TCF20: variants seen among roughly 807,000 people sequenced by gnomAD.
TCF20 encodes the protein transcription factor 20.
A neutral mutation model predicts 148.6 loss-of-function variants in TCF20; 3 were observed. That is an observed-to-expected ratio of 0.02 (90% CI 0.01 to 0.05). The LOEUF is 0.05. TCF20 is among the 10% of genes least tolerant of loss of function. TCF20 has a pLI of 1.00. For synonymous variants in TCF20, 1,049 were observed against 909.5 expected, an observed-to-expected ratio of 1.15 and a Z score of -2.76; for missense variants, 2,350 against 2,429.3, an observed-to-expected ratio of 0.97 and a Z score of 0.69.
chr22:42,234,417 TG>T (rs1923695628), intron 1 of TCF20, among the ~76,000 whole-genome samples: 1 of 152,182 alleles, frequency 6.6e-6, no homozygotes, highest in Non-Finnish European at 1.5e-5. Flanking sequence ...TTACAGTTTA[TG>T]GGGTCCTCTC....
chr22:42,184,757 T>C (rs1936966859), intron 2 of TCF20, among the ~76,000 whole-genome samples: 2 of 152,224 alleles, frequency 1.3e-5, no homozygotes, highest in Admixed American at 6.5e-5. Context: ...CTTTTAATAG[T>C]AAATTTTTTA....
In TCF20 at chr22:42,317,650, G is replaced by T. The variant is rs980167900; in HGVS notation, c.-37+25829C>A. 6.6e-6 allele frequency among the ~76,000 whole-genome samples: 1 copy of T among 152,154 alleles called. No individual in the cohort carries two copies. Among genetic ancestry groups the T allele is most frequent in the Admixed American group, 6.5e-5 (1 of 15,274 alleles). On this transcript the variant is annotated intron_variant, in intron 1 of 1. Transcript: ENST00000515426. The surrounding 1 kb of genome is among the most constrained non-coding windows in gnomAD (Gnocchi z 4.2). The stretch of plus-strand genomic sequence containing the variant: ...TGCTCCTGCATTCCCGCTGGGGGCT[G>T]GGGGGGAAAGGGGTGTAGACTCAGC...
chr22:42,254,945 G>T (rs1925641760), intron 1 of TCF20, among the ~76,000 whole-genome samples: 1 of 88,338 alleles, frequency 1.1e-5, no homozygotes, highest in Non-Finnish European at 1.8e-5. Flanking sequence ...GGGTGACACA[G>T]CAAGACTCCG....
intron 1 of TCF20, among the ~76,000 whole-genome samples, chr22:42,238,274 C>T (rs1924057416): frequency 6.6e-6 from 1 of 152,238 alleles, no homozygotes; most frequent in African/African-American, 2.4e-5. Context: ...TTCACTTCTG[C>T]AGCTTCTTAC....
intron 3 of TCF20, among the ~76,000 whole-genome samples, chr22:42,173,971 C>T (rs1455185530): frequency 6.6e-6 from 1 of 152,118 alleles, no homozygotes; most frequent in African/African-American, 2.4e-5. Context: ...CCAAGATGGG[C>T]CCCAAAACAG....
intron 1 of TCF20, among the ~76,000 whole-genome samples, chr22:42,329,275 C>A (rs900583625): frequency 1.3e-5 from 2 of 152,246 alleles, no homozygotes; most frequent in African/African-American, 2.4e-5. Context: ...CCCCAGCACA[C>A]AGGCTGCCAA....
chr22:42,303,877 G>A (rs568795539), intron 1 of TCF20, among the ~76,000 whole-genome samples: 5 of 151,656 alleles, frequency 3.3e-5, no homozygotes, highest in East Asian at 1.9e-4. Flanking sequence ...GGAGGGGAGC[G>A]GGGAAAGAAA....
At chr22:42,171,758 G>C (rs895586502) in intron 3 of TCF20, among the ~76,000 whole-genome samples, 2 of 152,182 alleles carry the variant, frequency 1.3e-5, no homozygotes, top group African/African-American at 4.8e-5. Context: ...CCTGGGCTCT[G>C]GCAGCAAGCA....
In TCF20 at chr22:42,204,772, G is replaced by A. The variant is rs144858442; in HGVS notation, c.5655+4879C>T. On this transcript the variant is annotated intron_variant, in intron 2 of 5. Coordinates refer to ENST00000677622, the MANE Select transcript of TCF20 (RefSeq NM_001378418.1). ...AGGCAGGAGAGTCACTTGAACCCAC[G>A]AGGAGGTGGTTGCAGTGAGCCAAGA... 5.4e-3 allele frequency among the ~76,000 whole-genome samples: 820 copies of A among 152,250 alleles called. 3 individuals carry two copies. The highest frequency in any genetic ancestry group is 0.01 in the Middle Eastern group (3 of 290).
chr22:42,301,835 C>T (rs527911004), intron 1 of TCF20, among the ~76,000 whole-genome samples: 44 of 152,358 alleles, frequency 2.9e-4, no homozygotes, highest in Non-Finnish European at 5.6e-4. Flanking sequence ...GATTTCAGTT[C>T]TCCGAGGAGG....
At chr22:42,336,378 G>A (rs1015553866) in intron 1 of TCF20, among the ~76,000 whole-genome samples, 2 of 151,734 alleles carry the variant, frequency 1.3e-5, no homozygotes, top group African/African-American at 4.8e-5. Flanking sequence ...AGCTCTGGAT[G>A]CCCCCGGAGC....
intron 1 of TCF20, among the ~76,000 whole-genome samples, chr22:42,330,016 C>T (rs1264114934): frequency 2.0e-5 from 3 of 152,204 alleles, no homozygotes; most frequent in Non-Finnish European, 4.4e-5. Flanking sequence ...TGGGCCCCTT[C>T]CCTTGGCCTC....
chr22:42,176,379 G>A (rs201479187), intron 3 of TCF20, among the ~76,000 whole-genome samples: 1 of 16,372 alleles, frequency 6.1e-5, no homozygotes, highest in Non-Finnish European at 1.7e-4. Flanking sequence ...CTGGAAGGAA[G>A]GGGGGGGCAG....
rs144451518 is a variant in TCF20 at position 42,188,615 on chromosome 22, T to G, written c.5656-8913A>C. On this transcript the variant is annotated intron_variant, in intron 2 of 5. Coordinates refer to ENST00000677622, the MANE Select transcript of TCF20 (RefSeq NM_001378418.1). ...TAATAAGAACTTGATCAGGCTGGTC[T>G]TTCCCCTTGACATGCAGGTTTCTCT... 2.2e-4 allele frequency among the ~76,000 whole-genome samples: 34 copies of G among 152,316 alleles called. No individual in the cohort carries two copies. In the East Asian group the frequency reaches 6.4e-3, roughly 29 times the overall value.
chr22:42,168,658 C>G lies in TCF20; in HGVS notation c.5878G>C (p.Gly1960Arg). 1.2e-6 allele frequency: 2 copies of G among 1,603,634 alleles called. No homozygotes were observed. Among genetic ancestry groups the G allele is most frequent in the Non-Finnish European group, 1.7e-6 (2 of 1,175,154 alleles). ...GSLSTEQSER[G>R] ...CCACGAGCACACTGCCCCCCTCACC[C>G]CCGCTCCGACTGCTCTGTGCTGAGG... Residue 1960 changes from glycine (G) to arginine (R), a missense_variant, in exon 5 of 6, where the codon GGG becomes CGG. Coordinates refer to ENST00000677622, the MANE Select transcript of TCF20 (RefSeq NM_001378418.1).
In TCF20 at chr22:42,290,915, C is replaced by T. The variant is rs1927120963; in HGVS notation, c.-37+52564G>A. Among the ~76,000 whole-genome samples the T allele has an allele frequency of 6.6e-6, 1 of 152,198 alleles. No individual in the cohort carries two copies. The highest frequency in any genetic ancestry group is 1.5e-5 in the Non-Finnish European group (1 of 68,034). On this transcript the variant is annotated intron_variant, in intron 1 of 1. Transcript: ENST00000515426. This position sits in a 1 kb window ranked among gnomAD's most constrained non-coding sequence, Gnocchi z 4.2. ...GGCTTTGCAAAGCACCCCCTCTTACCTTACCTCGGTACAACCTCAGTACAA... is the reference window on the plus strand; with the variant it reads ...GGCTTTGCAAAGCACCCCCTCTTACTTTACCTCGGTACAACCTCAGTACAA...
At chr22:42,169,823 T>G in intron 4 of TCF20, 24 bp downstream of exon 4, 1 of 1,613,114 alleles carries the variant, frequency 6.2e-7, no homozygotes, top group Non-Finnish European at 8.5e-7. Context: ...TCCCTGCTGG[T>G]AGCTCTTGGG....
chr22:42,207,750 G>C (rs1382104459), intron 2 of TCF20, among the ~76,000 whole-genome samples: 1 of 152,228 alleles, frequency 6.6e-6, no homozygotes, highest in Non-Finnish European at 1.5e-5. Context: ...GGGAAGCGGA[G>C]GTTGCGGTGA....
chr22:42,263,494 A>C (rs1926128336), intron 1 of TCF20, among the ~76,000 whole-genome samples: 1 of 152,018 alleles, frequency 6.6e-6, no homozygotes, highest in Non-Finnish European at 1.5e-5. Context: ...TGGAGCCTTA[A>C]CTCTTTTTCA....
Sources: allele counts gnomAD v4.1 joint callset (sites outside exome capture counted in the v4.1 genomes callset), GRCh38; gene constraint gnomAD v4.1.1; non-coding constraint Gnocchi (gnomAD v3.1); transcripts MANE v1.5; gene names NCBI Gene and HGNC (gene_info 2026-07-23, HGNC 2026-07-21).